NTM: variants seen among roughly 807,000 people sequenced by gnomAD.
NTM encodes IgLON family member 2.
Under a neutral mutation model 42.1 loss-of-function variants are expected in NTM, and 13 were observed. The ratio of observed to expected loss-of-function variants is 0.31; its 90% CI spans 0.20 to 0.49. NTM has a LOEUF of 0.49. Among genes scored for constraint, NTM ranks in the 20% least tolerant of loss-of-function variants. The pLI is 0.99. For missense variants in NTM, 373 were observed against 452.8 expected (o/e 0.82, Z 1.60); for synonymous variants, 187 against 179.2 (o/e 1.04, Z -0.35).
At chr11:131,623,476 C>G (rs937336389) in intron 1 of NTM, among the ~76,000 whole-genome samples, 4 of 152,196 alleles carry the variant, frequency 2.6e-5, no homozygotes, top group Non-Finnish European at 5.9e-5. Flanking sequence ...CATTTTATAC[C>G]AAATCATGTT....
intron 1 of NTM, among the ~76,000 whole-genome samples, chr11:131,505,370 C>G (rs2047358371): frequency 6.6e-6 from 1 of 152,126 alleles, no homozygotes; most frequent in African/African-American, 2.4e-5. Flanking sequence ...TGACTTTGAT[C>G]ATCAAAGTAT....
At chr11:132,133,938 TTC>T (rs1390871190) in intron 2 of NTM, among the ~76,000 whole-genome samples, 1 of 152,216 alleles carries the variant, frequency 6.6e-6, no homozygotes, top group East Asian at 1.9e-4. Context: ...TTCCTCGGTG[TTC>T]TCTCTCTGCT....
intron 1 of NTM, among the ~76,000 whole-genome samples, chr11:131,474,457 A>C (rs1385670006): frequency 6.6e-6 from 1 of 152,104 alleles, no homozygotes; most frequent in Non-Finnish European, 1.5e-5. Context: ...TCTCCAGTCC[A>C]TGAGTTCCAC....
chr11:131,833,100 G>A (rs1169607342), intron 1 of NTM, among the ~76,000 whole-genome samples: 1 of 152,196 alleles, frequency 6.6e-6, no homozygotes, highest in Non-Finnish European at 1.5e-5. Flanking sequence ...CCTATTGGAT[G>A]TATTTTGAAC....
intron 1 of NTM, among the ~76,000 whole-genome samples, chr11:131,496,213 C>T (rs1035193703): frequency 2.0e-5 from 3 of 152,206 alleles, no homozygotes; most frequent in Non-Finnish European, 2.9e-5. Flanking sequence ...GTTCTGGAAT[C>T]TAGAAGTCAT....
intron 1 of NTM, among the ~76,000 whole-genome samples, chr11:131,672,805 G>A (rs2070577653): frequency 6.7e-6 from 1 of 150,354 alleles, no homozygotes. Context: ...AAGGCTTTGC[G>A]ATAAGTTCTC....
At chr11:132,254,971 C>G (rs1418545070) in intron 4 of NTM, among the ~76,000 whole-genome samples, 3 of 152,200 alleles carry the variant, frequency 2.0e-5, no homozygotes, top group Non-Finnish European at 4.4e-5. Context: ...AAAAATGTCC[C>G]CAGACATTTC....
chr11:131,439,302 C>G (rs539024204), intron 1 of NTM, among the ~76,000 whole-genome samples: 21 of 152,336 alleles, frequency 1.4e-4, no homozygotes, highest in African/African-American at 4.6e-4. Context: ...GTTCTCCAAG[C>G]TCAAACACCA....
At chr11:132,045,344 G>C (rs1349646595) in intron 2 of NTM, among the ~76,000 whole-genome samples, 1 of 152,148 alleles carries the variant, frequency 6.6e-6, no homozygotes, top group Non-Finnish European at 1.5e-5. Context: ...GAGGAATGAG[G>C]GGGAGAAGCT....
intron 2 of NTM, among the ~76,000 whole-genome samples, chr11:131,958,379 C>T (rs2061781124): frequency 6.6e-6 from 1 of 152,116 alleles, no homozygotes; most frequent in African/African-American, 2.4e-5. Context: ...GAGAAGACCG[C>T]ACAGGTAAGC....
chr11:131,419,807 C>T (rs924749844), intron 1 of NTM, among the ~76,000 whole-genome samples: 1 of 152,134 alleles, frequency 6.6e-6, no homozygotes, highest in Non-Finnish European at 1.5e-5. Context: ...TAGCAGATGT[C>T]GGGAGGCCAT....
At chr11:132,306,575 C>T (rs2095091267) in intron 4 of NTM, 2 of 152,050 alleles carry the variant, frequency 1.3e-5, no homozygotes, top group Non-Finnish European at 2.9e-5. Context: ...GCCCCGTGAC[C>T]CTGTGAGGTA....
chr11:131,535,493 C>T (rs1304891487), intron 1 of NTM: 1 of 152,158 alleles, frequency 6.6e-6, no homozygotes, highest in Non-Finnish European at 1.5e-5. Flanking sequence ...ATGCTCATCG[C>T]CTCGTCTGAT....
intron 2 of NTM, among the ~76,000 whole-genome samples, chr11:132,008,447 G>A (rs601822): frequency 0.8 from 122,002 of 151,928 alleles, 49,555 homozygotes; most frequent in East Asian, 0.96. Flanking sequence ...TGCTGACTAT[G>A]TATTTACTTT....
intron 1 of NTM, among the ~76,000 whole-genome samples, chr11:131,586,539 T>C (rs1002075624): frequency 6.6e-6 from 1 of 152,124 alleles, no homozygotes; most frequent in Non-Finnish European, 1.5e-5. Context: ...CTGCTCCTCC[T>C]CCTAGGCAAG....
At chr11:132,329,576 A>T (rs967335089) in intron 7 of NTM, among the ~76,000 whole-genome samples, 3 of 152,164 alleles carry the variant, frequency 2.0e-5, no homozygotes, top group Admixed American at 2.0e-4. Context: ...GTCAAATGTC[A>T]ATGGTTTGGT....
chr11:131,824,406 C>T (rs1193221476), intron 1 of NTM, among the ~76,000 whole-genome samples: 1 of 152,108 alleles, frequency 6.6e-6, no homozygotes, highest in Non-Finnish European at 1.5e-5. Context: ...AAGTAATAGC[C>T]CCCACTCTCA....
chr11:131,643,381 G>A (rs2065377600), intron 1 of NTM, among the ~76,000 whole-genome samples: 5 of 152,206 alleles, frequency 3.3e-5, no homozygotes, highest in Admixed American at 3.3e-4. Flanking sequence ...GGTGTACCCG[G>A]GTGTGCGCGG....
At chr11:131,528,093 C>T (rs1382453423) in intron 1 of NTM, among the ~76,000 whole-genome samples, 1 of 152,170 alleles carries the variant, frequency 6.6e-6, no homozygotes, top group Non-Finnish European at 1.5e-5. Context: ...ACCTGGAAGA[C>T]TTCTGGTCCC....
Sources: gnomAD v4.1 joint callset for allele counts (sites outside exome capture counted in the v4.1 genomes callset) on GRCh38, gnomAD v4.1.1 for gene constraint, MANE v1.5 for transcripts, NCBI Gene and HGNC (gene_info 2026-07-23, HGNC 2026-07-21) for gene names.